SMAP1: variants seen among roughly 807,000 people sequenced by gnomAD.
The protein encoded by SMAP1 is small ArfGAP 1, also known as stromal membrane-associated protein 1.
In SMAP1, 24 loss-of-function variants were observed where a neutral mutation model predicts 58.5. The ratio of observed to expected loss-of-function variants is 0.41; its 90% CI spans 0.30 to 0.58. SMAP1 has a LOEUF of 0.58. SMAP1 is among the 20% of genes least tolerant of loss of function. The probability of loss-of-function intolerance (pLI) is 0.29; values close to 1 mark genes in which losing one functional copy is unlikely to be tolerated. For synonymous variants in SMAP1, 216 were observed against 196.6 expected (o/e 1.10, Z -0.82); for missense variants, 563 against 566.3 (o/e 0.99, Z 0.06).
intron 1 of SMAP1, among the ~76,000 whole-genome samples, chr6:70,694,984 A>G (rs1030190314): frequency 7.9e-5 from 12 of 152,160 alleles, no homozygotes; most frequent in East Asian, 1.9e-4. Flanking sequence ...TCTCGCATCA[A>G]TGTTCTATTC....
intron 6 of SMAP1, among the ~76,000 whole-genome samples, chr6:70,808,527 G>A (rs1407031717): frequency 1.3e-5 from 2 of 152,176 alleles, no homozygotes; most frequent in Non-Finnish European, 2.9e-5. Context: ...GGAGAGCCAG[G>A]CTCCAGCTCC....
At chr6:70,855,635 G>T (rs1406433806) in intron 8 of SMAP1, among the ~76,000 whole-genome samples, 1 of 152,122 alleles carries the variant, frequency 6.6e-6, no homozygotes, top group African/African-American at 2.4e-5. Context: ...GAACACTTTT[G>T]TGATCATTAA....
At chr6:70,680,712 G>GTTTTTTTT (rs34867967) in intron 1 of SMAP1, among the ~76,000 whole-genome samples, 47 of 78,994 alleles carry the variant, frequency 5.9e-4, no homozygotes, top group Non-Finnish European at 7.2e-4. Flanking sequence ...TGGATTTCCT[G>GTTTTTTTT]TTTTTTTTTT....
Position 70,805,420 on chromosome 6 carries a change from T to G in SMAP1, c.576+6683T>G, listed in dbSNP as rs577014701. 3.3e-5 allele frequency among the ~76,000 whole-genome samples: 5 copies of G among 152,326 alleles called. No homozygotes were observed. The East Asian group carries it at 9.6e-4, about 29-fold the overall frequency. On this transcript the variant is annotated intron_variant, in intron 6 of 10. Coordinates refer to ENST00000370455, the MANE Select transcript of SMAP1 (RefSeq NM_001044305.3). ...ATTCGTCTAACCTTTTTTCGAGGTT[T>G]TTAACTTCCTTGCGATGGGTTAGAA...
At chr6:70,718,322 T>C (rs944664112) in intron 1 of SMAP1, among the ~76,000 whole-genome samples, 7 of 152,072 alleles carry the variant, frequency 4.6e-5, no homozygotes, top group African/African-American at 1.4e-4. Context: ...ATAATCAAGA[T>C]GTTTGCTTGA....
At chr6:70,687,136 T>C (rs539787585) in intron 1 of SMAP1, among the ~76,000 whole-genome samples, 1 of 152,330 alleles carries the variant, frequency 6.6e-6, no homozygotes, top group East Asian at 1.9e-4. Flanking sequence ...CCACTGTGGC[T>C]AGGAGCTAAT....
intron 1 of SMAP1, among the ~76,000 whole-genome samples, chr6:70,726,886 TG>T (rs1768814214): frequency 6.6e-6 from 1 of 150,428 alleles, no homozygotes; most frequent in African/African-American, 2.5e-5. Flanking sequence ...TGTGTGTGTG[TG>T]TGTGTGTGTG....
intron 6 of SMAP1, among the ~76,000 whole-genome samples, chr6:70,836,594 A>G (rs998203037): frequency 6.6e-6 from 1 of 152,226 alleles, no homozygotes; most frequent in Non-Finnish European, 1.5e-5. Flanking sequence ...ACACACAGCC[A>G]AACTCTATCA....
chr6:70,744,505 T>A (rs1765943539), intron 2 of SMAP1, among the ~76,000 whole-genome samples: 1 of 152,314 alleles, frequency 6.6e-6, no homozygotes, highest in Non-Finnish European at 1.5e-5. Flanking sequence ...CATGAACTCA[T>A]CCATTTTTAT....
intron 10 of SMAP1, 123 bp from the exon 11 acceptor site, chr6:70,860,077 T>C: frequency 8.9e-7 from 1 of 1,129,694 alleles, no homozygotes; most frequent in Non-Finnish European, 1.2e-6. Context: ...TGGTACTCTG[T>C]TTTTATTCCA....
Position 70,681,252 on chromosome 6 carries a change from C to G in SMAP1, c.118+13111C>G, listed in dbSNP as rs117941218. Among the ~76,000 whole-genome samples the G allele has an allele frequency of 3.8e-3, 575 of 151,958 alleles. 1 individual carries two copies. Among genetic ancestry groups the G allele is most frequent in the Non-Finnish European group, 4.2e-3 (287 of 67,986 alleles). On this transcript the variant is annotated intron_variant, in intron 1 of 10. Transcript: ENST00000370455. The stretch of plus-strand genomic sequence containing the variant: ...TTGGCAAAATGACGAAACTCTGTCT[C>G]TACAAAAAGTGAAAATAAAATTAAA...
intron 1 of SMAP1, among the ~76,000 whole-genome samples, chr6:70,702,638 CTTCT>C (rs1435858375): frequency 4.6e-5 from 7 of 150,980 alleles, no homozygotes; most frequent in Non-Finnish European, 1.0e-4. Flanking sequence ...TCTTCTTCTT[CTTCT>C]TTTTTTTTTT....
At chr6:70,669,127 A>G (rs1766159588) in intron 1 of SMAP1, among the ~76,000 whole-genome samples, 1 of 152,030 alleles carries the variant, frequency 6.6e-6, no homozygotes, top group South Asian at 2.1e-4. Context: ...TTTTTTAAAG[A>G]AATGTCTTGT....
chr6:70,843,084 C>G (rs564417522), intron 7 of SMAP1, among the ~76,000 whole-genome samples: 4 of 152,022 alleles, frequency 2.6e-5, no homozygotes, highest in Non-Finnish European at 5.9e-5. Context: ...TCTGTGGTAT[C>G]TGGCACAGTT....
At chr6:70,797,849 G>T (rs907367647) in intron 5 of SMAP1, among the ~76,000 whole-genome samples, 1 of 152,058 alleles carries the variant, frequency 6.6e-6, no homozygotes, top group Non-Finnish European at 1.5e-5. Flanking sequence ...TTTAGTTGCA[G>T]TAGACTTTCA....
At chr6:70,829,508 G>A (rs1770274276) in intron 6 of SMAP1, among the ~76,000 whole-genome samples, 1 of 150,256 alleles carries the variant, frequency 6.7e-6, no homozygotes, top group South Asian at 2.1e-4. Flanking sequence ...ATTTTTGATA[G>A]ATAGAAATTA....
chr6:70,852,579 C>T lies in SMAP1; in HGVS notation c.704C>T (p.Thr235Met), dbSNP rs764108216. ...AVAPVTNGNT[T>M]VPPLNDDLDI... ...GCACCAGTGACCAACGGGAACACAA[C>T]GGTGCCACCCCTGAACGATGATCTG... Residue 235 changes from threonine to methionine, a missense_variant, in exon 8 of 11, where the codon ACG becomes ATG. Transcript: ENST00000370455. 23 of 1,608,212 alleles carry T rather than the reference C, an allele frequency of 1.4e-5. No individual in the cohort carries two copies. The highest frequency in any genetic ancestry group is 4.5e-5 in the East Asian group (2 of 44,630).
At chr6:70,780,359 T>G (rs139863148) in intron 4 of SMAP1, among the ~76,000 whole-genome samples, 1 of 152,278 alleles carries the variant, frequency 6.6e-6, no homozygotes, top group Non-Finnish European at 1.5e-5. Context: ...GAGGATCGCT[T>G]GAGTCCAGGA....
chr6:70,847,878 C>T (rs1261997695), intron 7 of SMAP1, among the ~76,000 whole-genome samples: 17 of 152,098 alleles, frequency 1.1e-4, no homozygotes, highest in Non-Finnish European at 7.4e-5. Context: ...TGTTCTCTCT[C>T]CCCTGAAAGA....
Sources: gnomAD v4.1 joint callset for allele counts (sites outside exome capture counted in the v4.1 genomes callset) on GRCh38, gnomAD v4.1.1 for gene constraint, MANE v1.5 for transcripts, NCBI Gene and HGNC (gene_info 2026-07-23, HGNC 2026-07-21) for gene names.